SRSF5: variants seen among roughly 807,000 people sequenced by gnomAD.
SRSF5 encodes serine and arginine rich splicing factor 5.
In SRSF5, 5 loss-of-function variants were observed where a neutral mutation model predicts 34.0. The ratio of observed to expected loss-of-function variants is 0.15; its 90% confidence interval spans 0.08 to 0.31. The LOEUF (loss-of-function observed/expected upper bound fraction) is 0.31, where lower values mean the gene tolerates loss of function less well. Among genes scored for constraint, SRSF5 ranks in the 10% least tolerant of loss-of-function variants. The probability of loss-of-function intolerance (pLI) is 1.00; values close to 1 mark genes in which losing one functional copy is unlikely to be tolerated. For missense variants in SRSF5, 223 were observed against 351.4 expected, an observed-to-expected ratio of 0.63 and a Z score of 2.92; for synonymous variants, 164 against 117.7, an observed-to-expected ratio of 1.39 and a Z score of -2.55.
chr14:69,771,574 A>C lies in SRSF5; in HGVS notation c.*113A>C. 6.8e-6 allele frequency: 5 copies of C among 736,304 alleles called. No individual in the cohort carries two copies. Among genetic ancestry groups the C allele is most frequent in the Admixed American group, 3.1e-5 (1 of 32,674 alleles). The allele number at this position is 736,304 out of a possible 1,614,324, so 45.6% of individuals were successfully genotyped here. On this transcript the variant is annotated 3_prime_UTR_variant, in exon 8 of 8. Coordinates refer to ENST00000557154, the MANE Select transcript of SRSF5 (RefSeq NM_001320214.2). ...GTATGTGCTTTTCTGTGGGGGTGGG[A>C]TTTGGAAGGGGGGTTGGGTTGGGCT...
At chr14:69,770,625 A>G (rs1883085115) in intron 6 of SRSF5, 85 bp downstream of exon 6, 2 of 1,224,298 alleles carry the variant, frequency 1.6e-6, no homozygotes, top group Non-Finnish European at 1.2e-6. Flanking sequence ...AAATTTGAAT[A>G]TGTTAGAATG....
At chr14:69,769,391 ATG>A (rs1882954745) in intron 5 of SRSF5, 140 bp downstream of exon 5, 5 of 1,500,064 alleles carry the variant, frequency 3.3e-6, no homozygotes, top group Middle Eastern at 1.9e-4. Flanking sequence ...ATTTAATTAA[ATG>A]TAATTTGGGG....
intron 5 of SRSF5, chr14:69,769,997 G>C: frequency 2.9e-6 from 3 of 1,033,584 alleles, no homozygotes; most frequent in Non-Finnish European, 3.5e-6. Context: ...TTCTCCGACC[G>C]ATTAATGGTT....
intron 1 of SRSF5, chr14:69,767,491 C>A (rs770640099): frequency 1.8e-5 from 8 of 455,986 alleles, no homozygotes; most frequent in Non-Finnish European, 2.6e-5. Context: ...CCCGTCCCTG[C>A]CAGTCTTAAT....
Position 69,771,114 on chromosome 14 carries a change from A to G in SRSF5, c.551+9A>G. On this transcript the variant is annotated intron_variant, in intron 7 of 7. Transcript: ENST00000557154. ...GGCAGCAAAAGGCACAGGTATCTCT[A>G]ATTTTTTAAAGTCAAAAGTTGTATT... 6.2e-7 allele frequency: 1 copy of G among 1,612,908 alleles called. No homozygotes were observed. The highest frequency in any genetic ancestry group is 8.5e-7 in the Non-Finnish European group (1 of 1,179,660).
At position 69,770,964 on chromosome 14, in the gene SRSF5, A is replaced by G. The variant is rs763591712; in HGVS notation, c.441-31A>G. On this transcript the variant is annotated intron_variant, in intron 6 of 7. Transcript: ENST00000557154. ...CAATGTGTGAGACTACAGGATGTAT[A>G]TACTTTAAAAGTGGCTGTTTTCCAT... is the stretch of plus-strand genomic sequence containing the variant. 1.1e-5 allele frequency: 18 copies of G among 1,579,466 alleles called. No homozygotes were observed. In the East Asian group the frequency reaches 3.4e-4, roughly 29 times the overall value.
intron 5 of SRSF5, 54 bp from the exon 6 acceptor site, chr14:69,770,413 T>G: frequency 6.3e-7 from 1 of 1,594,848 alleles, no homozygotes; most frequent in Non-Finnish European, 8.5e-7. Flanking sequence ...ATCATGTGAT[T>G]GTTTGTGTGT....
intron 5 of SRSF5, chr14:69,769,496 C>A (rs1882963480): frequency 6.5e-7 from 1 of 1,535,186 alleles, no homozygotes; most frequent in Non-Finnish European, 8.7e-7. Flanking sequence ...AAATATTAAA[C>A]CCTTTATTTG....
chr14:69,770,746 CA>C, intron 6 of SRSF5: 1 of 641,684 alleles, frequency 1.6e-6, no homozygotes, highest in South Asian at 2.0e-5. Flanking sequence ...ATGCTGTTGG[CA>C]TGTAGTCAGT....
chr14:69,769,781 C>G, intron 5 of SRSF5: 3 of 1,350,098 alleles, frequency 2.2e-6, no homozygotes, highest in Non-Finnish European at 2.8e-6. Context: ...GAGGTCCGGT[C>G]GAAAAGAGTT....
chr14:69,771,132 G>C (rs747313250), intron 7 of SRSF5, 27 bp downstream of exon 7: 2 of 1,612,938 alleles, frequency 1.2e-6, no homozygotes, highest in Admixed American at 1.7e-5. Context: ...AAAGTCAAAA[G>C]TTGTATTTAA....
chr14:69,769,334 A>G, intron 5 of SRSF5, 83 bp downstream of exon 5: 2 of 1,562,242 alleles, frequency 1.3e-6, no homozygotes, highest in African/African-American at 1.4e-5. Flanking sequence ...TTGTTTTATT[A>G]AAAGTAGTTT....
rs200257424 is a variant in SRSF5, at chr14:69,771,481, G to T, written c.*20G>T. ...AATTAAACTGTAAATAACTTGCCCT[G>T]GGGGCCTTTTTTTAAAAAACAAAAA... On this transcript the variant is annotated 3_prime_UTR_variant, in exon 8 of 8. Transcript: ENST00000557154. 2.5e-4 allele frequency: 397 copies of T among 1,586,054 alleles called. 2 individuals carry two copies. In the East Asian group the frequency reaches 6.2e-3, roughly 25 times the overall value.
intron 5 of SRSF5, chr14:69,769,632 C>T: frequency 1.3e-6 from 2 of 1,534,670 alleles, no homozygotes; most frequent in South Asian, 1.2e-5. Context: ...ATCAGTTGGC[C>T]ACCTCTAGAT....
At chr14:69,767,950 C>G in intron 1 of SRSF5, 188 bp from the exon 2 acceptor site, 1 of 575,456 alleles carries the variant, frequency 1.7e-6, no homozygotes. Flanking sequence ...AGTAGCGGAC[C>G]GTGTTGGGAG....
Position 69,767,220 on chromosome 14 carries a change from G to C in SRSF5, c.-55G>C, listed in dbSNP as rs1594744360. 2.7e-6 allele frequency: 1 copy of C among 370,770 alleles called. No homozygotes were observed. Among genetic ancestry groups the C allele is most frequent in the African/African-American group, 2.1e-5 (1 of 46,996 alleles). 23.0% of individuals were successfully genotyped at this position (370,770 alleles called of 1,614,324 possible). A position where few individuals can be genotyped will look rare whatever the true frequency, so the allele number is the denominator to read the frequency against. On this transcript the variant is annotated 5_prime_UTR_variant, in exon 1 of 8. Coordinates refer to ENST00000557154, the MANE Select transcript of SRSF5 (RefSeq NM_001320214.2). ...CGACTCCGTCGCAGACTACGGACCT[G>C]TCTGGGTCTCAGCCGCCAAAGACCC...
intron 2 of SRSF5, 155 bp downstream of exon 2, chr14:69,768,437 T>G: frequency 1.5e-6 from 2 of 1,303,306 alleles, no homozygotes; most frequent in South Asian, 1.4e-5. Context: ...AACTTTAACT[T>G]GCCGGCTCAC....
chr14:69,769,529 C>G, intron 5 of SRSF5: 1 of 1,535,412 alleles, frequency 6.5e-7, no homozygotes, highest in Non-Finnish European at 8.7e-7. Context: ...TGTCGTTGGC[C>G]TTATGACGAG....
chr14:69,770,434 C>T (rs371360263), intron 5 of SRSF5, 33 bp from the exon 6 acceptor site: 8 of 1,605,960 alleles, frequency 5.0e-6, no homozygotes, highest in Middle Eastern at 1.7e-4. Flanking sequence ...CCCCTTTCCT[C>T]TTCTTTGCTT....
Sources: gnomAD v4.1 joint callset for allele counts on GRCh38, gnomAD v4.1.1 for gene constraint, MANE v1.5 for transcripts, NCBI Gene and HGNC (gene_info 2026-07-23, HGNC 2026-07-21) for gene names.